The following TIMM50 variants were observed in gnomAD, a reference collection of about 807,000 sequenced individuals.
TIMM50 encodes mitochondrial import inner membrane translocase subunit TIM50.
In TIMM50, 34 loss-of-function variants were observed where a neutral mutation model predicts 49.6. The ratio of observed to expected loss-of-function variants is 0.69; its 90% CI spans 0.52 to 0.91. The LOEUF is 0.91. Ranked by LOEUF, TIMM50 falls within the 40% of genes least tolerant of loss-of-function variation. The pLI, the probability that TIMM50 is intolerant of heterozygous loss-of-function variation, is 0.00. For missense variants in TIMM50, 458 were observed against 477.8 expected (o/e 0.96, Z 0.39); for synonymous variants, 199 against 198.4 (o/e 1.00, Z -0.03).
rs754477969 is a variant in TIMM50 at position 39,485,669 on chromosome 19, T to C, written c.373-19T>C. The C allele has an allele frequency of 6.2e-7, 1 of 1,614,070 alleles. No homozygotes were observed. On this transcript the variant is annotated intron_variant, in intron 5 of 10. Transcript: ENST00000607714. Reference sequence around the variant, plus strand: ...TGGCCTCCTTGTCTGAGCGCCCCCATCCTGTCCCTCTCCCACAGATGATCA... The same window carrying C: ...TGGCCTCCTTGTCTGAGCGCCCCCACCCTGTCCCTCTCCCACAGATGATCA...
chr19:39,482,744 GC>G (rs1399070934), intron 2 of TIMM50, 140 bp from the exon 3 acceptor site: 9 of 1,044,518 alleles, frequency 8.6e-6, no homozygotes, highest in Non-Finnish European at 1.1e-5. Flanking sequence ...TTGGCTCCCA[GC>G]CCCCTCCTGG....
intron 8 of TIMM50, among the ~76,000 whole-genome samples, chr19:39,487,388 T>C (rs1232215041): frequency 1.3e-5 from 2 of 152,174 alleles, no homozygotes; most frequent in Non-Finnish European, 2.9e-5. Flanking sequence ...TCTTCCCACC[T>C]CAGCCTCCTG....
chr19:39,485,597 A>G lies in TIMM50; in HGVS notation c.367A>G (p.Arg123Gly). ...GACATACAAATATTTCAAAGATTAT[A>G]GACAGGTGAGCAGAAGCCCTGGGCT... ...RRTYKYFKDY[R>G]QMIIEPTSPC... Residue 123 changes from arginine (R) to glycine (G), a missense_variant, in exon 5 of 11, where the codon AGA becomes GGA. Arg to Gly is a moderately radical substitution (Grantham distance 125, BLOSUM62 -2). Transcript: ENST00000607714. 1.2e-6 allele frequency: 2 copies of G among 1,614,156 alleles called. No individual in the cohort carries two copies. The highest frequency in any genetic ancestry group is 8.5e-7 in the Non-Finnish European group (1 of 1,180,024).
intron 10 of TIMM50, 42 bp downstream of exon 10, chr19:39,488,687 C>A: frequency 1.3e-6 from 2 of 1,548,126 alleles, no homozygotes; most frequent in Non-Finnish European, 1.8e-6. Context: ...GGCTCTGAGG[C>A]TCCTGAAGGA....
In TIMM50 at chr19:39,485,552, C is replaced by A; in HGVS notation, c.322C>A (p.Leu108Met). ...GCCTGGTGTTCTCCTAGATCCAATTCTGGTACAGCAGTTGCGCCGGACATA... is the reference window on the plus strand; with the variant it reads ...GCCTGGTGTTCTCCTAGATCCAATTATGGTACAGCAGTTGCGCCGGACATA... ...IPDEFDNDPI[L>M]VQQLRRTYKY... The change falls in exon 5 of 11, where the codon CTG (leucine) becomes ATG (methionine). Residue 108 changes from leucine (L) to methionine (M), a missense_variant. Leu to Met is a conservative substitution (Grantham distance 15). Coordinates refer to ENST00000607714, the MANE Select transcript of TIMM50 (RefSeq NM_001001563.5). The A allele has an allele frequency of 6.2e-7, 1 of 1,614,148 alleles. No individual in the cohort carries two copies. The highest frequency in any genetic ancestry group is 8.5e-7 in the Non-Finnish European group (1 of 1,180,032).
chr19:39,486,781 T>G (rs923760940), intron 8 of TIMM50, among the ~76,000 whole-genome samples: 1 of 152,236 alleles, frequency 6.6e-6, no homozygotes, highest in Non-Finnish European at 1.5e-5. Flanking sequence ...TATCTTGCTG[T>G]GTCTGTAACT....
Position 39,492,047 on chromosome 19 carries a change from T to A in TIMM50, c.*2227T>A, listed in dbSNP as rs1298685850. 6.6e-6 allele frequency: 1 copy of A among 152,152 alleles called. No homozygotes were observed. The highest frequency in any genetic ancestry group is 1.5e-5 in the Non-Finnish European group (1 of 68,040). The allele number at this position is 152,152 out of a possible 1,614,324, so 9.4% of individuals were successfully genotyped here. On this transcript the variant is annotated 3_prime_UTR_variant, in exon 11 of 11. Transcript: ENST00000607714. ...TAATTAAATAGCCACATGTGTCTCC[T>A]GTATTGACAGTACCACTGTGTATTA... is the stretch of plus-strand genomic sequence containing the variant.
In TIMM50 at chr19:39,485,798, T is replaced by C. The variant is rs2079501360; in HGVS notation, c.483T>C (p.Pro161=). 6.2e-7 allele frequency: 1 copy of C among 1,614,038 alleles called. No homozygotes were observed. Among genetic ancestry groups the C allele is most frequent in the Admixed American group, 1.7e-5 (1 of 60,000 alleles). ...VLELTGVLLH[P]EWSLATGWRF... is the part of the protein sequence containing the mutation. Reference sequence around the variant, plus strand: ...AGCTCACCGGCGTCCTCTTGCATCCTGAGTGGTCGGTGTGTCCCGGGAAAC... The same window carrying C: ...AGCTCACCGGCGTCCTCTTGCATCCCGAGTGGTCGGTGTGTCCCGGGAAAC... Residue 161 remains proline, a synonymous_variant, in exon 6 of 11, where the codon CCT becomes CCC. Transcript: ENST00000607714.
In TIMM50 at chr19:39,482,015, A is replaced by G; in HGVS notation, c.241A>G (p.Ser81Gly). 6.2e-7 allele frequency: 1 copy of G among 1,614,068 alleles called. No individual in the cohort carries two copies. Among genetic ancestry groups the G allele is most frequent in the East Asian group, 2.2e-5 (1 of 44,864 alleles). ...AGLLGAGGTV[S>G]VVYIFGNNPV... ...GCTGCTTGGAGCTGGTGGGACTGTGAGCGTCGTCTATATCTTTGGTGAGGG... is the reference window on the plus strand; with the variant it reads ...GCTGCTTGGAGCTGGTGGGACTGTGGGCGTCGTCTATATCTTTGGTGAGGG... Residue 81 changes from serine to glycine, a missense_variant, in exon 2 of 11, where the codon AGC (serine) becomes GGC (glycine). By Grantham distance (56) the Ser-to-Gly change is moderately conservative. Transcript: ENST00000607714.
At chr19:39,488,390 G>A in intron 9 of TIMM50, 149 bp from the exon 10 acceptor site, 2 of 1,065,688 alleles carry the variant, frequency 1.9e-6, no homozygotes, top group South Asian at 1.5e-5. Context: ...GATACTTGGG[G>A]ATGTTCAGGG....
At position 39,489,767 on chromosome 19, in the gene TIMM50, C is replaced by G; in HGVS notation, c.1009C>G (p.Leu337Val). Reference protein sequence around the residue: ...AELSKSNKQNLFLGSLTSRLW... With the variant: ...AELSKSNKQNVFLGSLTSRLW... ...GCTCTCCAAGTCCAACAAGCAGAAC[C>G]TCTTCCTTGGCTCCCTCACCAGCCG... The change falls in exon 11 of 11, where the codon CTC becomes GTC. Residue 337 changes from leucine to valine, a missense_variant. Leu to Val is a conservative substitution (Grantham distance 32). Transcript: ENST00000607714. 6.2e-7 allele frequency: 1 copy of G among 1,612,566 alleles called. No individual in the cohort carries two copies. Among genetic ancestry groups the G allele is most frequent in the South Asian group, 1.1e-5 (1 of 90,462 alleles).
At chr19:39,485,985 G>A in intron 6 of TIMM50, 178 bp downstream of exon 6, 6 of 1,168,510 alleles carry the variant, frequency 5.1e-6, no homozygotes, top group Non-Finnish European at 7.4e-6. Flanking sequence ...GTAGGGTAGT[G>A]TAGGTGTGCC....
intron 8 of TIMM50, among the ~76,000 whole-genome samples, chr19:39,486,735 G>T (rs1432370880): frequency 6.6e-6 from 1 of 152,184 alleles, no homozygotes; most frequent in Non-Finnish European, 1.5e-5. Flanking sequence ...ACAGTTGGGG[G>T]TTAGTGGTAA....
At chr19:39,481,034 G>C in intron 1 of TIMM50, 73 bp downstream of exon 1, 1 of 1,459,490 alleles carries the variant, frequency 6.9e-7, no homozygotes, top group Non-Finnish European at 9.0e-7. Flanking sequence ...GCCGCCCCTT[G>C]GGGGTTCCGG....
chr19:39,485,163 C>T lies in TIMM50; in HGVS notation c.314-381C>T, dbSNP rs112951221. The stretch of plus-strand genomic sequence containing the variant: ...TACTGTTTTAGTAGAGACAGAGTTT[C>T]ACCATGTTGGCCAGGATGGTCTTGA... On this transcript the variant is annotated intron_variant, in intron 4 of 10. Coordinates refer to ENST00000607714, the MANE Select transcript of TIMM50 (RefSeq NM_001001563.5). 1,120 of 225,552 alleles carry T rather than the reference C, an allele frequency of 5.0e-3. 6 individuals carry two copies. Among genetic ancestry groups the T allele is most frequent in the Middle Eastern group, 7.4e-3 (4 of 540 alleles). The allele number at this position is 225,552 out of a possible 1,614,324, so 14.0% of individuals were successfully genotyped here. A position where few individuals can be genotyped will look rare whatever the true frequency, so the allele number is the denominator to read the frequency against.
chr19:39,480,859 G>A lies in TIMM50; in HGVS notation c.6G>A (p.Ala2=), dbSNP rs773140825. Residue 2 remains alanine (A), a synonymous_variant, in exon 1 of 11, where the codon GCG becomes GCA. Coordinates refer to ENST00000607714, the MANE Select transcript of TIMM50 (RefSeq NM_001001563.5). ...CCGCGTGGCGTCAGCGCAAGATGGC[G>A]GCCTCGGCAGCGGTGTTCTCGCGCT... M[A]ASAAVFSRLR... 4 of 1,597,050 alleles carry A rather than the reference G, an allele frequency of 2.5e-6. No individual in the cohort carries two copies. Among genetic ancestry groups the A allele is most frequent in the Non-Finnish European group, 3.4e-6 (4 of 1,173,520 alleles).
chr19:39,484,163 T>TG (rs2146151970), intron 4 of TIMM50, among the ~76,000 whole-genome samples: 1 of 152,304 alleles, frequency 6.6e-6, no homozygotes, highest in East Asian at 1.9e-4. Context: ...CAATATATTG[T>TG]GTTTTTTTTA....
intron 4 of TIMM50, 56 bp from the exon 5 acceptor site, chr19:39,485,488 T>C (rs2079498405): frequency 6.2e-7 from 1 of 1,609,502 alleles, no homozygotes; most frequent in African/African-American, 1.3e-5. Context: ...CTGGTTTGTC[T>C]GGGAGGTTGA....
chr19:39,486,628 C>T, intron 8 of TIMM50, 133 bp downstream of exon 8: 3 of 790,766 alleles, frequency 3.8e-6, no homozygotes, highest in Non-Finnish European at 6.3e-6. Context: ...CTGGCAGGCA[C>T]ATGCCTGCCT....
Sources: allele counts gnomAD v4.1 joint callset (sites outside exome capture counted in the v4.1 genomes callset), GRCh38; gene constraint gnomAD v4.1.1; transcripts MANE v1.5; gene names NCBI Gene and HGNC (gene_info 2026-07-23, HGNC 2026-07-21).